The following SORCS3 variants were observed in gnomAD, a reference collection of about 807,000 sequenced individuals.
SORCS3 encodes sortilin related VPS10 domain containing receptor 3, also known as VPS10 domain-containing receptor SorCS3.
A neutral mutation model predicts 146.3 loss-of-function variants in SORCS3; 57 were observed. The ratio of observed to expected loss-of-function variants is 0.39; its 90% CI spans 0.31 to 0.49. SORCS3 has a LOEUF of 0.49. SORCS3 is among the 20% of genes least tolerant of loss of function. The probability of loss-of-function intolerance (pLI) is 0.92; values close to 1 mark genes in which losing one functional copy is unlikely to be tolerated. For missense variants in SORCS3, 1,341 were observed against 1,575.5 expected, an observed-to-expected ratio of 0.85 and a Z score of 2.52; for synonymous variants, 653 against 618.5, an observed-to-expected ratio of 1.06 and a Z score of -0.83.
intron 7 of SORCS3, among the ~76,000 whole-genome samples, chr10:105,124,046 A>G (rs187729085): frequency 7.9e-4 from 120 of 152,282 alleles, no homozygotes; most frequent in African/African-American, 2.7e-3. Context: ...TGACTGGCGG[A>G]TCCATGCATA....
intron 6 of SORCS3, 146 bp downstream of exon 6, chr10:105,089,985 G>A: frequency 1.5e-6 from 1 of 650,086 alleles, no homozygotes; most frequent in Non-Finnish European, 2.7e-6. Flanking sequence ...CAGAGTAAGG[G>A]TGAGAAGTCC....
chr10:104,642,118 G>A (rs2015428757), intron 1 of SORCS3, among the ~76,000 whole-genome samples, 164 bp downstream of exon 1: 1 of 152,136 alleles, frequency 6.6e-6, no homozygotes, highest in South Asian at 2.1e-4. Flanking sequence ...CCCCCAACAG[G>A]TTAACGGAGT....
intron 6 of SORCS3, among the ~76,000 whole-genome samples, chr10:105,093,172 A>G (rs1012205218): frequency 1.3e-5 from 2 of 152,180 alleles, no homozygotes; most frequent in African/African-American, 2.4e-5. Context: ...TTTTCAATCA[A>G]TGGTATTGGA....
intron 6 of SORCS3, among the ~76,000 whole-genome samples, chr10:105,101,092 G>A (rs182683516): frequency 7.9e-5 from 12 of 152,260 alleles, no homozygotes; most frequent in East Asian, 1.9e-4. Flanking sequence ...GGTATCTGGC[G>A]TTATTAAAAA....
At chr10:105,116,255 C>T (rs1313750149) in intron 7 of SORCS3, among the ~76,000 whole-genome samples, 2 of 152,174 alleles carry the variant, frequency 1.3e-5, no homozygotes, top group African/African-American at 2.4e-5. Context: ...GCAGAGGTGA[C>T]CTGCTATCAC....
chr10:104,929,064 T>A (rs768312344), intron 3 of SORCS3, among the ~76,000 whole-genome samples: 33 of 152,198 alleles, frequency 2.2e-4, no homozygotes, highest in Non-Finnish European at 4.6e-4. Flanking sequence ...TATTCCTGGT[T>A]TCCCCCAGGG....
At chr10:105,242,838 A>G (rs2056842296) in intron 20 of SORCS3, among the ~76,000 whole-genome samples, 1 of 101,420 alleles carries the variant, frequency 9.9e-6, no homozygotes, top group Non-Finnish European at 1.8e-5. Context: ...AATTATATAT[A>G]TATTTTTATA....
At chr10:105,225,136 G>C (rs576885760) in intron 20 of SORCS3, among the ~76,000 whole-genome samples, 2 of 151,986 alleles carry the variant, frequency 1.3e-5, no homozygotes, top group Admixed American at 6.6e-5. Flanking sequence ...CATTGGTGTT[G>C]TATCTCAAAT....
chr10:104,817,746 G>T (rs1369413959), intron 1 of SORCS3, among the ~76,000 whole-genome samples: 2 of 129,790 alleles, frequency 1.5e-5, no homozygotes, highest in Non-Finnish European at 3.1e-5. Flanking sequence ...TTGTTGGCAG[G>T]CAAGTGAGTA....
chr10:105,209,098 T>C (rs1038424619), intron 16 of SORCS3, among the ~76,000 whole-genome samples: 1 of 152,190 alleles, frequency 6.6e-6, no homozygotes, highest in African/African-American at 2.4e-5. Context: ...CCCACAGTCT[T>C]CCTGCAGAGA....
chr10:104,642,022 G>GGGGGCGCCCCC, intron 1 of SORCS3, 68 bp downstream of exon 1: 1 of 173,336 alleles, frequency 5.8e-6, no homozygotes, highest in South Asian at 4.4e-5. Context: ...GGGTGGGTGG[G>GGGGGCGCCCCC]AGCGAGGGAC....
chr10:105,170,181 C>A (rs78578889), intron 13 of SORCS3, among the ~76,000 whole-genome samples: 1 of 152,070 alleles, frequency 6.6e-6, no homozygotes, highest in African/African-American at 2.4e-5. Context: ...TACATCTAAC[C>A]GTCCAGTCTG....
At chr10:105,186,884 C>CAAA (rs35043705) in intron 14 of SORCS3, among the ~76,000 whole-genome samples, 43 of 101,484 alleles carry the variant, frequency 4.2e-4, no homozygotes, top group Admixed American at 8.2e-4. Context: ...GACTCCATCT[C>CAAA]AAAAAAAAAA....
chr10:105,034,917 T>C (rs1377510659), intron 4 of SORCS3, among the ~76,000 whole-genome samples: 1 of 152,180 alleles, frequency 6.6e-6, no homozygotes, highest in Non-Finnish European at 1.5e-5. Flanking sequence ...AAGTCTAGGA[T>C]TCTAATTGCC....
intron 3 of SORCS3, among the ~76,000 whole-genome samples, chr10:104,955,678 A>G (rs2133629939): frequency 6.6e-6 from 1 of 152,264 alleles, no homozygotes; most frequent in East Asian, 1.9e-4. Context: ...AGTGGAGATG[A>G]GTATTGCTGA....
intron 1 of SORCS3, among the ~76,000 whole-genome samples, chr10:104,828,467 C>T (rs1564692880): frequency 1.3e-5 from 2 of 151,706 alleles, no homozygotes; most frequent in African/African-American, 4.8e-5. Context: ...TCATGGTGCC[C>T]AAAAAACAAT....
intron 4 of SORCS3, among the ~76,000 whole-genome samples, chr10:105,034,480 A>G (rs1345543606): frequency 1.3e-5 from 2 of 152,146 alleles, no homozygotes; most frequent in Admixed American, 1.3e-4. Context: ...CATTTGACAG[A>G]GGGTAAACAT....
chr10:105,119,013 C>A (rs1215633073), intron 7 of SORCS3, among the ~76,000 whole-genome samples: 1 of 152,168 alleles, frequency 6.6e-6, no homozygotes, highest in African/African-American at 2.4e-5. Flanking sequence ...GTCTCCAGGG[C>A]ACATCAGAGG....
At chr10:105,247,153 C>A in intron 21 of SORCS3, 66 bp from the exon 22 acceptor site, 1 of 809,870 alleles carries the variant, frequency 1.2e-6, no homozygotes, top group East Asian at 2.7e-5. Flanking sequence ...GGTGGAGCTC[C>A]ACACCTGTCA....
Sources: gnomAD v4.1 joint callset for allele counts (sites outside exome capture counted in the v4.1 genomes callset) on GRCh38, gnomAD v4.1.1 for gene constraint, MANE v1.5 for transcripts, NCBI Gene and HGNC (gene_info 2026-07-23, HGNC 2026-07-21) for gene names.